PHKB: variants seen among roughly 807,000 people sequenced by gnomAD.
PHKB encodes the protein phosphorylase b kinase regulatory subunit beta.
Under a neutral mutation model 152.1 loss-of-function variants are expected in PHKB, and 122 were observed. That is an observed-to-expected ratio of 0.80 (90% CI 0.69 to 0.93). The LOEUF is 0.93. Ranked by LOEUF, PHKB falls within the 40% of genes least tolerant of loss-of-function variation. PHKB has a pLI of 0.00. For synonymous variants in PHKB, 436 were observed against 464.9 expected (o/e 0.94, Z 0.80); for missense variants, 1,304 against 1,328.4 (o/e 0.98, Z 0.29).
chr16:47,532,614 C>T (rs1442392345), intron 6 of PHKB, among the ~76,000 whole-genome samples: 1 of 152,244 alleles, frequency 6.6e-6, no homozygotes, highest in East Asian at 1.9e-4. Context: ...TGGGTGCCAG[C>T]TCTCTGTGAG....
chr16:47,610,606 C>T (rs1019682404), intron 13 of PHKB, among the ~76,000 whole-genome samples: 4 of 152,038 alleles, frequency 2.6e-5, no homozygotes, highest in African/African-American at 9.7e-5. Flanking sequence ...AATTCCATTC[C>T]CTTGTGGTCA....
intron 14 of PHKB, among the ~76,000 whole-genome samples, chr16:47,637,530 A>G (rs1972943107): frequency 6.6e-6 from 1 of 152,202 alleles, no homozygotes; most frequent in African/African-American, 2.4e-5. Context: ...CAACACCCCA[A>G]GGATCCCATG....
At chr16:47,541,113 A>G (rs1224533691) in intron 6 of PHKB, among the ~76,000 whole-genome samples, 9 of 152,100 alleles carry the variant, frequency 5.9e-5, no homozygotes, top group Non-Finnish European at 1.2e-4. Flanking sequence ...CGTCATTTAC[A>G]TTAGGTATTT....
chr16:47,633,993 G>T (rs1330794383), intron 14 of PHKB, among the ~76,000 whole-genome samples: 2 of 152,226 alleles, frequency 1.3e-5, no homozygotes, highest in African/African-American at 4.8e-5. Context: ...CAAGTGTGGA[G>T]CAGAAAGCTG....
Position 47,610,934 on chromosome 16 carries a change from C to T in PHKB, c.1458+14C>T, listed in dbSNP as rs1972416588. ...TTTTCCAATCAGGTAAAGAATTATT[C>T]TATTTCTTGATTTAGACTCGTCCAG... On this transcript the variant is annotated intron_variant, in intron 14 of 30. Coordinates refer to ENST00000323584, the MANE Select transcript of PHKB (RefSeq NM_000293.3). The T allele has an allele frequency of 6.9e-7, 1 of 1,450,204 alleles. No individual in the cohort carries two copies. Among genetic ancestry groups the T allele is most frequent in the African/African-American group, 1.4e-5 (1 of 71,764 alleles). 89.8% of individuals were successfully genotyped at this position (1,450,204 alleles called of 1,614,324 possible). A position where few individuals can be genotyped will look rare whatever the true frequency, so the allele number is the denominator to read the frequency against.
rs558677691 is a variant in PHKB at position 47,579,418 on chromosome 16, A to C, written c.711-877A>C. Among the ~76,000 whole-genome samples the C allele has an allele frequency of 9.2e-5, 14 of 152,330 alleles. No individual in the cohort carries two copies. The South Asian group carries it at 2.3e-3, about 25-fold the overall frequency. On this transcript the variant is annotated intron_variant, in intron 7 of 30. Coordinates refer to ENST00000323584, the MANE Select transcript of PHKB (RefSeq NM_000293.3). The stretch of plus-strand genomic sequence containing the variant: ...GAAGAAATGGGAACTAGCATTTCTA[A>C]CAAGTTCCCAGGTAATACTGAAGGT...
At position 47,596,230 on chromosome 16, in the gene PHKB, C is replaced by T. The variant is rs1438078410; in HGVS notation, c.1205-143C>T. 7.9e-6 allele frequency: 5 copies of T among 631,692 alleles called. No homozygotes were observed. The East Asian group carries it at 1.4e-4, about 18-fold the overall frequency. 39.1% of individuals were successfully genotyped at this position (631,692 alleles called of 1,614,324 possible). On this transcript the variant is annotated intron_variant, in intron 12 of 30. Coordinates refer to ENST00000323584, the MANE Select transcript of PHKB (RefSeq NM_000293.3). ...TCGCCTTCCACCATGATTGTGAGGC[C>T]TCCCCAGCCATGTGGAACTGTGAGG...
At chr16:47,658,284 T>C (rs1209493076) in intron 20 of PHKB, among the ~76,000 whole-genome samples, 1 of 152,164 alleles carries the variant, frequency 6.6e-6, no homozygotes, top group Non-Finnish European at 1.5e-5. Flanking sequence ...TCATTGACTA[T>C]AGTCCTTTCT....
intron 6 of PHKB, among the ~76,000 whole-genome samples, chr16:47,526,884 A>C (rs1036855114): frequency 6.6e-6 from 1 of 152,174 alleles, no homozygotes; most frequent in Non-Finnish European, 1.5e-5. Context: ...CAGGCTCTAT[A>C]AGCATAGCAC....
At chr16:47,650,494 G>T in intron 18 of PHKB, 50 bp from the exon 19 acceptor site, 3 of 1,066,272 alleles carry the variant, frequency 2.8e-6, no homozygotes, top group Non-Finnish European at 4.4e-6. Context: ...TGAGCATCCT[G>T]TTCATCTTAG....
At chr16:47,526,264 C>T (rs1970764847) in intron 6 of PHKB, among the ~76,000 whole-genome samples, 1 of 152,132 alleles carries the variant, frequency 6.6e-6, no homozygotes, top group Non-Finnish European at 1.5e-5. Context: ...CAAAAATTAT[C>T]TGGGCATGGT....
intron 6 of PHKB, among the ~76,000 whole-genome samples, chr16:47,542,707 G>T (rs182450638): frequency 1.4e-4 from 21 of 152,184 alleles, no homozygotes; most frequent in African/African-American, 3.4e-4. Flanking sequence ...CCTTAAAGAG[G>T]TCCTTCAGAT....
upstream of PHKB, chr16:47,461,312 G>T (rs750355608): frequency 7.9e-6 from 12 of 1,525,944 alleles, no homozygotes; most frequent in Non-Finnish European, 9.0e-6. Context: ...GCTGACAGGC[G>T]GCCCCGGGGG....
intron 6 of PHKB, 28 bp downstream of exon 6, chr16:47,515,629 T>C: frequency 1.1e-6 from 1 of 905,300 alleles, no homozygotes; most frequent in Non-Finnish European, 1.9e-6. Context: ...TTTCTATTAC[T>C]AAATTTCACC....
At chr16:47,506,042 A>G (rs1453939590) in intron 4 of PHKB, among the ~76,000 whole-genome samples, 7 of 148,818 alleles carry the variant, frequency 4.7e-5, no homozygotes, top group South Asian at 2.1e-4. Context: ...AAAAAAAAAA[A>G]AAAGAAAAAA....
intron 26 of PHKB, among the ~76,000 whole-genome samples, chr16:47,681,458 G>A (rs535653638): frequency 1.1e-4 from 15 of 139,930 alleles, no homozygotes; most frequent in African/African-American, 3.2e-4. Flanking sequence ...GTGCTTCTAT[G>A]TTGGGTGCAT....
Position 47,566,051 on chromosome 16 carries a change from G to A in PHKB, c.711-14244G>A, listed in dbSNP as rs1971559727. On this transcript the variant is annotated intron_variant, in intron 7 of 30. Transcript: ENST00000323584. ...CACCTCCTCTGTAGTCATCATCCCTGTGGTACCCACTGCCAAATGCTTTTT... is the reference window on the plus strand; with the variant it reads ...CACCTCCTCTGTAGTCATCATCCCTATGGTACCCACTGCCAAATGCTTTTT... The A allele has an allele frequency of 4.4e-6, 3 of 674,210 alleles. No individual in the cohort carries two copies. The East Asian group carries it at 7.9e-5, about 18-fold the overall frequency. 41.8% of individuals were successfully genotyped at this position (674,210 alleles called of 1,614,324 possible). A position where few individuals can be genotyped will look rare whatever the true frequency, so the allele number is the denominator to read the frequency against.
intron 6 of PHKB, among the ~76,000 whole-genome samples, chr16:47,531,396 G>A (rs1296521360): frequency 4.6e-5 from 7 of 151,998 alleles, no homozygotes; most frequent in Non-Finnish European, 4.4e-5. Context: ...TTGAGAACCC[G>A]GTAGAGTTTT....
intron 7 of PHKB, chr16:47,562,386 T>C (rs1330275419): frequency 6.6e-6 from 1 of 152,180 alleles, no homozygotes; most frequent in Admixed American, 6.5e-5. Flanking sequence ...TATTTTATTT[T>C]TTATCTTAAA....
Sources: allele counts gnomAD v4.1 joint callset (sites outside exome capture counted in the v4.1 genomes callset), GRCh38; gene constraint gnomAD v4.1.1; transcripts MANE v1.5; gene names NCBI Gene and HGNC (gene_info 2026-07-23, HGNC 2026-07-21).